The following TTLL11 variants were observed in gnomAD, a reference collection of about 807,000 sequenced individuals.
TTLL11 encodes tubulin polyglutamylase TTLL11.
Under a neutral mutation model 51.7 loss-of-function variants are expected in TTLL11, and 42 were observed. That is an observed-to-expected ratio of 0.81 (90% confidence interval 0.64 to 1.05). TTLL11 has a LOEUF of 1.05. TTLL11 is among the 50% of genes least tolerant of loss of function. The pLI, the probability that TTLL11 is intolerant of heterozygous loss-of-function variation, is 0.00. For synonymous variants in TTLL11, 381 were observed against 383.5 expected, an observed-to-expected ratio of 0.99 and a Z score of 0.08; for missense variants, 799 against 940.4, an observed-to-expected ratio of 0.85 and a Z score of 1.97.
At chr9:121,869,001 A>C (rs1168427682) in intron 7 of TTLL11, among the ~76,000 whole-genome samples, 1 of 152,252 alleles carries the variant, frequency 6.6e-6, no homozygotes, top group Admixed American at 6.5e-5. Context: ...TGCAGATGAG[A>C]GAACTGAGTG....
At chr9:121,824,277 C>A (rs1450433981) in intron 8 of TTLL11, among the ~76,000 whole-genome samples, 2 of 151,934 alleles carry the variant, frequency 1.3e-5, no homozygotes, top group Non-Finnish European at 2.9e-5. Context: ...GAGATGGAGA[C>A]CATCCTGGCC....
intron 8 of TTLL11, among the ~76,000 whole-genome samples, chr9:121,826,493 A>ATG (rs777460665): frequency 1.2e-5 from 1 of 84,286 alleles, no homozygotes; most frequent in Non-Finnish European, 2.1e-5. Context: ...ATATATATAT[A>ATG]TGTGTGTGTA....
Position 121,860,373 on chromosome 9 carries a change from T to C in TTLL11, c.1804A>G (p.Arg602Gly). 6.4e-7 allele frequency: 1 copy of C among 1,551,488 alleles called. No homozygotes were observed. The highest frequency in any genetic ancestry group is 1.4e-5 in the African/African-American group (1 of 73,144). Residue 602 changes from arginine (R) to glycine (G), a missense_variant, in exon 8 of 9, where the codon AGG (arginine) becomes GGG (glycine). Arg to Gly is a moderately radical substitution (Grantham distance 125). Coordinates refer to ENST00000321582, the MANE Select transcript of TTLL11 (RefSeq NM_001139442.2). ...VDILYIDITR[R>G]WNSMTLDQRD... ...TGGTCCAGGGTCATGGAGTTCCACCTCCGTGTGATGTCAATGTAGAGGATG... is the reference window on the plus strand; with the variant it reads ...TGGTCCAGGGTCATGGAGTTCCACCCCCGTGTGATGTCAATGTAGAGGATG...
At chr9:121,846,961 A>G (rs538429083) in intron 8 of TTLL11, among the ~76,000 whole-genome samples, 354 of 152,352 alleles carry the variant, frequency 2.3e-3, no homozygotes, top group Non-Finnish European at 3.8e-3. Flanking sequence ...CTGTAATCCC[A>G]GCACTTTGGG....
chr9:121,948,843 G>A (rs1841760580), intron 6 of TTLL11, among the ~76,000 whole-genome samples: 1 of 152,170 alleles, frequency 6.6e-6, no homozygotes, highest in African/African-American at 2.4e-5. Context: ...TCCCACTGCA[G>A]GAAGCTAGTG....
intron 8 of TTLL11, among the ~76,000 whole-genome samples, chr9:121,854,196 T>C (rs1837750090): frequency 6.6e-6 from 1 of 152,060 alleles, no homozygotes; most frequent in Admixed American, 6.5e-5. Flanking sequence ...TGGCTTTGGG[T>C]ATATAGCAAG....
intron 8 of TTLL11, among the ~76,000 whole-genome samples, chr9:121,859,542 C>A (rs947657499): frequency 4.6e-5 from 7 of 152,234 alleles, no homozygotes; most frequent in South Asian, 2.1e-4. Context: ...GAGAGAAACA[C>A]CCTCTGTGAG....
intron 3 of TTLL11, among the ~76,000 whole-genome samples, chr9:122,010,228 A>G (rs1335904239): frequency 6.6e-6 from 1 of 152,210 alleles, no homozygotes; most frequent in Non-Finnish European, 1.5e-5. Flanking sequence ...ACACACAATG[A>G]AAGTTGTATT....
intron 8 of TTLL11, among the ~76,000 whole-genome samples, chr9:121,842,651 G>A (rs1213866757): frequency 1.3e-5 from 2 of 152,196 alleles, no homozygotes; most frequent in Non-Finnish European, 2.9e-5. Flanking sequence ...TTCTGAAGGT[G>A]GCTCCTATGG....
Position 121,989,040 on chromosome 9 carries a change from G to T in TTLL11, c.1269+155C>A. The T allele has an allele frequency of 6.7e-7, 1 of 1,496,440 alleles. No individual in the cohort carries two copies. The highest frequency in any genetic ancestry group is 1.4e-5 in the African/African-American group (1 of 71,504). The allele number at this position is 1,496,440 out of a possible 1,614,324, so 92.7% of individuals were successfully genotyped here. A position where few individuals can be genotyped will look rare whatever the true frequency, so the allele number is the denominator to read the frequency against. On this transcript the variant is annotated intron_variant, in intron 4 of 8. Transcript: ENST00000321582. The surrounding 1 kb of genome is among the most constrained non-coding windows in gnomAD (Gnocchi z 4.2). ...CAGGGAGCAAACAGAAAGCTTGGAA[G>T]TTGGGCCCAGGTTTAACACCCAAGC...
intron 8 of TTLL11, among the ~76,000 whole-genome samples, chr9:121,847,044 A>G (rs1837535949): frequency 6.6e-6 from 1 of 152,150 alleles, no homozygotes; most frequent in African/African-American, 2.4e-5. Flanking sequence ...CCCCATCTCT[A>G]CTAAAAATAC....
chr9:121,867,728 C>A (rs1180553632), intron 7 of TTLL11, among the ~76,000 whole-genome samples: 1 of 152,088 alleles, frequency 6.6e-6, no homozygotes, highest in Non-Finnish European at 1.5e-5. Context: ...AGGAAGCCTC[C>A]CCCATTCTGT....
chr9:121,940,261 G>T (rs540336751), intron 6 of TTLL11, among the ~76,000 whole-genome samples: 1 of 151,994 alleles, frequency 6.6e-6, no homozygotes, highest in East Asian at 1.9e-4. Context: ...AAGCCTACAG[G>T]CTCTTCCCTC....
At chr9:121,985,807 AC>A (rs1842927722) in intron 4 of TTLL11, among the ~76,000 whole-genome samples, 1 of 152,108 alleles carries the variant, frequency 6.6e-6, no homozygotes, top group Non-Finnish European at 1.5e-5. Flanking sequence ...GGCGTGAGCC[AC>A]CGCGCCCGGC....
At chr9:121,823,593 G>T (rs1836651001) in intron 8 of TTLL11, among the ~76,000 whole-genome samples, 1 of 152,090 alleles carries the variant, frequency 6.6e-6, no homozygotes, top group Admixed American at 6.5e-5. Flanking sequence ...TATAATCAGG[G>T]AACAAGGTTA....
chr9:121,892,307 T>A (rs912150496), intron 6 of TTLL11, among the ~76,000 whole-genome samples: 4 of 151,988 alleles, frequency 2.6e-5, no homozygotes, highest in South Asian at 4.2e-4. Context: ...TTTGCATGCT[T>A]CTGATAAAGG....
At chr9:121,928,238 C>T (rs1434390531) in intron 6 of TTLL11, among the ~76,000 whole-genome samples, 1 of 152,084 alleles carries the variant, frequency 6.6e-6, no homozygotes, top group Non-Finnish European at 1.5e-5. Flanking sequence ...AATGTGATGT[C>T]ACTTCTATTT....
intron 2 of TTLL11, among the ~76,000 whole-genome samples, chr9:122,033,721 ATC>A (rs1293060028): frequency 6.6e-6 from 1 of 152,204 alleles, no homozygotes; most frequent in African/African-American, 2.4e-5. Context: ...AGTGCAATAA[ATC>A]TAAAGATCCC....
At chr9:122,075,452 C>T (rs1845837250) in intron 1 of TTLL11, among the ~76,000 whole-genome samples, 1 of 152,214 alleles carries the variant, frequency 6.6e-6, no homozygotes, top group Non-Finnish European at 1.5e-5. Context: ...GTGTTGCATA[C>T]ATTCTTAGAA....
Sources: allele counts gnomAD v4.1 joint callset (sites outside exome capture counted in the v4.1 genomes callset), GRCh38; gene constraint gnomAD v4.1.1; non-coding constraint Gnocchi (gnomAD v3.1); transcripts MANE v1.5; gene names NCBI Gene and HGNC (gene_info 2026-07-23, HGNC 2026-07-21).